INSC: variants seen among roughly 807,000 people sequenced by gnomAD.
INSC encodes protein inscuteable homolog.
INSC carries 67 observed loss-of-function variants against 58.6 expected under a neutral mutation model. That is an observed-to-expected ratio of 1.14 (90% CI 0.94 to 1.40). The LOEUF (loss-of-function observed/expected upper bound fraction) is 1.40, where lower values mean the gene tolerates loss of function less well. INSC is among the 40% of genes most tolerant of loss of function. INSC has a pLI of 0.00. For synonymous variants in INSC, 262 were observed against 276.1 expected, an observed-to-expected ratio of 0.95 and a Z score of 0.51; for missense variants, 714 against 692.0, an observed-to-expected ratio of 1.03 and a Z score of -0.36.
At position 15,225,679 on chromosome 11, in the gene INSC, G is replaced by A. The variant is rs776444280; in HGVS notation, c.1021G>A (p.Val341Ile). The A allele has an allele frequency of 3.1e-6, 5 of 1,614,232 alleles. No homozygotes were observed. The highest frequency in any genetic ancestry group is 2.2e-5 in the South Asian group (2 of 91,072). Residue 341 changes from valine (V) to isoleucine (I), a missense_variant, in exon 9 of 13, where the codon GTC becomes ATC. Val to Ile is a conservative substitution (Grantham distance 29). Transcript: ENST00000379556. ...KLCQEASSGEVFLLASAALAN... is the reference protein window; with the variant it reads ...KLCQEASSGEIFLLASAALAN... ...GTGCCAAGAGGCCTCATCAGGGGAA[G>A]TCTTCCTACTGGCCTCTGCGGCCCT...
chr11:15,159,784 G>C (rs1432763149), intron 2 of INSC, among the ~76,000 whole-genome samples: 1 of 152,148 alleles, frequency 6.6e-6, no homozygotes, highest in Non-Finnish European at 1.5e-5. Context: ...CCTCCTCACA[G>C]GGTCATTGTG....
chr11:15,122,660 G>A (rs748474720), intron 1 of INSC, among the ~76,000 whole-genome samples: 5 of 152,050 alleles, frequency 3.3e-5, no homozygotes, highest in East Asian at 1.9e-4. Flanking sequence ...TATCCAATCC[G>A]TCCCCATATC....
chr11:15,138,028 C>A (rs1848286511), intron 1 of INSC, among the ~76,000 whole-genome samples: 1 of 152,006 alleles, frequency 6.6e-6, no homozygotes, highest in Non-Finnish European at 1.5e-5. Context: ...TTGTAACTGG[C>A]CAGATTTTAA....
At chr11:15,211,916 C>T (rs1171990475) in intron 7 of INSC, among the ~76,000 whole-genome samples, 1 of 151,748 alleles carries the variant, frequency 6.6e-6, no homozygotes, top group Non-Finnish European at 1.5e-5. Context: ...GCACGGGGCC[C>T]CTATAGTCTA....
intron 9 of INSC, among the ~76,000 whole-genome samples, chr11:15,227,324 T>C (rs1271663049): frequency 4.6e-5 from 7 of 152,198 alleles, no homozygotes; most frequent in African/African-American, 1.7e-4. Context: ...CTCCTGGGTG[T>C]TGGGTTTTTG....
chr11:15,128,995 C>A (rs1159427238), intron 1 of INSC, among the ~76,000 whole-genome samples: 4 of 152,162 alleles, frequency 2.6e-5, no homozygotes, highest in Admixed American at 2.6e-4. Flanking sequence ...TTTAAAGTAA[C>A]CCTCTTAGTT....
chr11:15,201,449 T>A (rs1487919977), intron 7 of INSC, among the ~76,000 whole-genome samples: 1 of 152,114 alleles, frequency 6.6e-6, no homozygotes, highest in African/African-American at 2.4e-5. Context: ...CCAGTCCAAG[T>A]GCTCACTGGG....
chr11:15,231,994 A>G (rs1165268696), intron 9 of INSC, among the ~76,000 whole-genome samples: 2 of 152,136 alleles, frequency 1.3e-5, no homozygotes, highest in African/African-American at 4.8e-5. Flanking sequence ...GGCCTCGCCA[A>G]CCTCCTTCCT....
intron 2 of INSC, among the ~76,000 whole-genome samples, chr11:15,174,391 A>G (rs1274870095): frequency 1.3e-5 from 2 of 151,300 alleles, no homozygotes; most frequent in East Asian, 1.9e-4. Context: ...AGCATTTGCT[A>G]CTTGCAACAT....
intron 9 of INSC, among the ~76,000 whole-genome samples, chr11:15,233,131 T>A (rs1342585121): frequency 6.6e-6 from 1 of 152,222 alleles, no homozygotes; most frequent in African/African-American, 2.4e-5. Flanking sequence ...GCTACACGCT[T>A]AGCTATCACA....
At chr11:15,128,421 A>T (rs2133699870) in intron 1 of INSC, among the ~76,000 whole-genome samples, 1 of 152,354 alleles carries the variant, frequency 6.6e-6, no homozygotes, top group East Asian at 1.9e-4. Flanking sequence ...TAGTTTTTAC[A>T]ACAAATGTGC....
At chr11:15,142,043 T>G (rs1459165607) in intron 1 of INSC, among the ~76,000 whole-genome samples, 1 of 152,172 alleles carries the variant, frequency 6.6e-6, no homozygotes, top group East Asian at 1.9e-4. Context: ...CAGTCAGGGC[T>G]ATAGAAGCAC....
chr11:15,183,114 G>A (rs113472441), intron 5 of INSC, among the ~76,000 whole-genome samples: 2,123 of 152,152 alleles, frequency 0.014, 49 homozygotes, highest in African/African-American at 0.049. Flanking sequence ...TTGGGAGGCC[G>A]AGGCAGGCAG....
At chr11:15,183,062 T>C (rs1849834432) in intron 5 of INSC, among the ~76,000 whole-genome samples, 1 of 152,084 alleles carries the variant, frequency 6.6e-6, no homozygotes, top group Admixed American at 6.6e-5. Context: ...AAATTGTGTA[T>C]TTTGGCTGGG....
At chr11:15,217,684 G>A (rs559941338) in intron 7 of INSC, among the ~76,000 whole-genome samples, 51 of 152,172 alleles carry the variant, frequency 3.4e-4, no homozygotes, top group African/African-American at 1.2e-3. Context: ...GGAAAATTTG[G>A]CCCCTATGAA....
chr11:15,167,535 A>T (rs1319636015), intron 2 of INSC, among the ~76,000 whole-genome samples: 3 of 151,962 alleles, frequency 2.0e-5, no homozygotes, highest in Non-Finnish European at 4.4e-5. Context: ...ATAATAGCTC[A>T]CTGCAGCCTT....
intron 1 of INSC, among the ~76,000 whole-genome samples, chr11:15,119,203 C>G (rs1362612954): frequency 6.6e-6 from 1 of 152,244 alleles, no homozygotes; most frequent in South Asian, 2.1e-4. Flanking sequence ...GCCTTTCCAG[C>G]CTCAGCTGGA....
chr11:15,125,407 T>G lies in INSC; in HGVS notation c.-46+10404T>G, dbSNP rs371378065. Reference sequence around the variant, plus strand: ...GTGGTATAGTGAACATTGAAAAATTTCGAAGAGAGAAATGACATGCTATAG... The same window carrying G: ...GTGGTATAGTGAACATTGAAAAATTGCGAAGAGAGAAATGACATGCTATAG... On this transcript the variant is annotated intron_variant, in intron 1 of 12. Transcript: ENST00000379556. 6.6e-5 allele frequency among the ~76,000 whole-genome samples: 10 copies of G among 152,322 alleles called. No homozygotes were observed. The East Asian group carries it at 1.9e-3, about 29-fold the overall frequency.
the INSC span, among the ~76,000 whole-genome samples, chr11:15,253,708 G>A: frequency 2.0e-5 from 3 of 151,886 alleles, no homozygotes; most frequent in South Asian, 2.1e-4. Context: ...AAGGGGTGAC[G>A]TCAAGCCCTG....
Sources: allele counts gnomAD v4.1 joint callset (sites outside exome capture counted in the v4.1 genomes callset), GRCh38; gene constraint gnomAD v4.1.1; transcripts MANE v1.5; gene names NCBI Gene and HGNC (gene_info 2026-07-23, HGNC 2026-07-21).